ETV4: variants seen among roughly 807,000 people sequenced by gnomAD.
The protein encoded by ETV4 is ETS variant transcription factor 4, also known as ETS translocation variant 4.
A neutral mutation model predicts 65.9 loss-of-function variants in ETV4; 42 were observed. The observed-to-expected ratio is 0.64, with a 90% confidence interval of 0.50 to 0.82. The LOEUF is 0.82. Ranked by LOEUF, ETV4 falls within the 40% of genes least tolerant of loss-of-function variation. The pLI is 0.00. For synonymous variants in ETV4, 238 were observed against 260.0 expected, an observed-to-expected ratio of 0.92 and a Z score of 0.81; for missense variants, 583 against 630.3, an observed-to-expected ratio of 0.92 and a Z score of 0.80.
intron 8 of ETV4, 70 bp from the exon 9 acceptor site, chr17:43,530,251 C>A (rs1226150664): frequency 1.3e-6 from 2 of 1,542,908 alleles, no homozygotes; most frequent in Non-Finnish European, 8.8e-7. Context: ...AGGAGGAAGT[C>A]CTATCCACAT....
intron 5 of ETV4, among the ~76,000 whole-genome samples, chr17:43,535,436 C>T (rs1184207369): frequency 6.6e-6 from 1 of 152,134 alleles, no homozygotes. Flanking sequence ...CGCCACCATG[C>T]CCGGCTAATT....
chr17:43,542,381 C>T, intron 4 of ETV4, among the ~76,000 whole-genome samples: 1 of 152,106 alleles, frequency 6.6e-6, no homozygotes, highest in South Asian at 2.1e-4. Context: ...GCCCTTACTA[C>T]CAAATAGACA....
intron 5 of ETV4, among the ~76,000 whole-genome samples, chr17:43,535,925 A>G (rs1457457738): frequency 6.6e-6 from 1 of 152,206 alleles, no homozygotes; most frequent in Non-Finnish European, 1.5e-5. Flanking sequence ...ATCCTGGCCA[A>G]CATGGTGAAA....
chr17:43,533,421 G>C, intron 6 of ETV4, 73 bp from the exon 7 acceptor site: 1 of 1,430,706 alleles, frequency 7.0e-7, no homozygotes, highest in Admixed American at 2.0e-5. Flanking sequence ...TCATTCCTAG[G>C]AAAGCGAGGT....
Position 43,532,982 on chromosome 17 carries a change from A to T in ETV4, c.546-43T>A, listed in dbSNP as rs1292807299. On this transcript the variant is annotated intron_variant, in intron 7 of 12. Transcript: ENST00000319349. ...GAGAAGGAAGAGAAGAGAACTTTAA[A>T]TTAATCCTTCCTCGAGCCTGTTACT... 4 of 1,527,908 alleles carry T rather than the reference A, an allele frequency of 2.6e-6. No homozygotes were observed. The South Asian group carries it at 5.2e-5, about 20-fold the overall frequency. 94.6% of individuals were successfully genotyped at this position (1,527,908 alleles called of 1,614,324 possible). A position where few individuals can be genotyped will look rare whatever the true frequency, so the allele number is the denominator to read the frequency against.
In ETV4 at chr17:43,545,664, G is replaced by T; in HGVS notation, c.-47C>A. On this transcript the variant is annotated 5_prime_UTR_variant, in exon 2 of 13. Transcript: ENST00000319349. ...ACGGCCGGGGCCCCAAGCGGGGGCC[G>T]AGACCTGGTGGGGGAGGGGGCTGCG... 1 of 1,519,466 alleles carries T rather than the reference G, an allele frequency of 6.6e-7. No individual in the cohort carries two copies. Among genetic ancestry groups the T allele is most frequent in the Non-Finnish European group, 8.9e-7 (1 of 1,121,528 alleles). 94.1% of individuals were successfully genotyped at this position (1,519,466 alleles called of 1,614,324 possible).
At chr17:43,540,201 C>G (rs1971452498) in intron 4 of ETV4, among the ~76,000 whole-genome samples, 1 of 152,174 alleles carries the variant, frequency 6.6e-6, no homozygotes, top group Admixed American at 6.5e-5. Context: ...GCCTGTAATC[C>G]CAGCACTTTG....
chr17:43,536,990 ACAAAACTCCCTTAAAGCT>A (rs1328238445), intron 4 of ETV4, among the ~76,000 whole-genome samples: 6 of 152,182 alleles, frequency 3.9e-5, no homozygotes, highest in Admixed American at 6.5e-5. Flanking sequence ...CTCAGAGTTT[ACAAAACTCCCTTAAAGCT>A]CACAACAGTC....
chr17:43,544,861 C>A (rs1042765668), intron 4 of ETV4, 114 bp downstream of exon 4: 3 of 1,008,268 alleles, frequency 3.0e-6, no homozygotes, highest in African/African-American at 3.2e-5. Flanking sequence ...TTGGAGAACT[C>A]CTTGAGGCAG....
intron 6 of ETV4, 28 bp downstream of exon 6, chr17:43,533,831 C>CCTT: frequency 6.2e-7 from 1 of 1,605,574 alleles, no homozygotes; most frequent in East Asian, 2.3e-5. Flanking sequence ...CTTCTCCTAC[C>CCTT]CTTCACCAGG....
chr17:43,528,351 A>G lies in ETV4; in HGVS notation c.*168T>C, dbSNP rs538818050. The G allele has an allele frequency of 1.2e-4, 61 of 526,312 alleles. No individual in the cohort carries two copies. Among genetic ancestry groups the G allele is most frequent in the East Asian group, 7.2e-4 (24 of 33,368 alleles). 32.6% of individuals were successfully genotyped at this position (526,312 alleles called of 1,614,324 possible). A position where few individuals can be genotyped will look rare whatever the true frequency, so the allele number is the denominator to read the frequency against. On this transcript the variant is annotated 3_prime_UTR_variant, in exon 13 of 13. Coordinates refer to ENST00000319349, the MANE Select transcript of ETV4 (RefSeq NM_001079675.5). ...GCCATTTCTCCACTTTTCCTTCCCA[A>G]TGACTCCGGTGAGCAGCTCAGAGTC... is the stretch of plus-strand genomic sequence containing the variant.
Position 43,545,194 on chromosome 17 carries a change from CGT to C in ETV4, c.154+78_154+79del, listed in dbSNP as rs34640745. ...AACAGGCGGGGGTTCCAGAATCGGC[CGT>C]GTGTGTGTGTGTGTGTGTGTGTGTG... On this transcript the variant is annotated intron_variant, in intron 3 of 12. Coordinates refer to ENST00000319349, the MANE Select transcript of ETV4 (RefSeq NM_001079675.5). The C allele has an allele frequency of 0.041, 25,544 of 630,460 alleles. 42 individuals carry two copies. Among genetic ancestry groups the C allele is most frequent in the East Asian group, 0.1 (3,309 of 32,782 alleles). 39.1% of individuals were successfully genotyped at this position (630,460 alleles called of 1,614,324 possible). A position where few individuals can be genotyped will look rare whatever the true frequency, so the allele number is the denominator to read the frequency against.
At chr17:43,528,841 A>G (rs1214237066) in intron 12 of ETV4, 98 bp from the exon 13 acceptor site, 14 of 928,776 alleles carry the variant, frequency 1.5e-5, no homozygotes, top group Non-Finnish European at 2.0e-5. Flanking sequence ...CTACCAGTAC[A>G]GGCAGATGCT....
intron 3 of ETV4, 116 bp downstream of exon 3, chr17:43,545,158 T>A (rs1382054984): frequency 1.6e-6 from 2 of 1,277,288 alleles, no homozygotes; most frequent in Non-Finnish European, 2.2e-6. Context: ...GGAGGGCGAG[T>A]TTTTTGGGGA....
Position 43,528,534 on chromosome 17 carries a change from A to T in ETV4, c.1440T>A (p.Gly480=). 6.2e-7 allele frequency: 1 copy of T among 1,609,122 alleles called. No homozygotes were observed. Among genetic ancestry groups the T allele is most frequent in the Non-Finnish European group, 8.5e-7 (1 of 1,177,114 alleles). Residue 480 remains glycine (G), a synonymous_variant, in exon 13 of 13, where the codon GGT becomes GGA. Transcript: ENST00000319349. ...CCGCTGGGGGCTAGTAAGAGTAGCC[A>T]CCCTTGGGGCCAAATGGCTGGGCGG... ...AGPAQPFGPK[G]GYSY
intron 8 of ETV4, among the ~76,000 whole-genome samples, chr17:43,530,605 CGCGCGT>C (rs982793515): frequency 2.2e-4 from 10 of 45,534 alleles, no homozygotes; most frequent in African/African-American, 7.3e-4. Flanking sequence ...CCTGTGCACG[CGCGCGT>C]GTGTGTGTGT....
At chr17:43,545,171 C>T (rs1971739914) in intron 3 of ETV4, 103 bp downstream of exon 3, 4 of 1,247,684 alleles carry the variant, frequency 3.2e-6, no homozygotes, top group Non-Finnish European at 3.4e-6. Context: ...TTTGGGGAAA[C>T]AGGCGGGGGT....
intron 4 of ETV4, among the ~76,000 whole-genome samples, chr17:43,542,688 G>A (rs1229231112): frequency 2.6e-5 from 4 of 152,052 alleles, no homozygotes; most frequent in African/African-American, 4.8e-5. Flanking sequence ...TTCAACGCCC[G>A]GACGCAGGAC....
chr17:43,542,165 AGATC>A (rs1971557685), intron 4 of ETV4, among the ~76,000 whole-genome samples: 1 of 152,198 alleles, frequency 6.6e-6, no homozygotes, highest in African/African-American at 2.4e-5. Context: ...AGGGGAGCGC[AGATC>A]GATCGATCCC....
Sources: allele counts gnomAD v4.1 joint callset (sites outside exome capture counted in the v4.1 genomes callset), GRCh38; gene constraint gnomAD v4.1.1; transcripts MANE v1.5; gene names NCBI Gene and HGNC (gene_info 2026-07-23, HGNC 2026-07-21).